ABCG2: variants seen among roughly 807,000 people sequenced by gnomAD.
ABCG2 encodes the protein ATP binding cassette subfamily G member 2 (JR blood group).
Under a neutral mutation model 73.5 loss-of-function variants are expected in ABCG2, and 80 were observed. The ratio of observed to expected loss-of-function variants is 1.09; its 90% CI spans 0.91 to 1.31. The LOEUF is 1.31. Among genes scored for constraint, ABCG2 ranks in the 50% most tolerant of loss-of-function variants. ABCG2 has a pLI of 0.00. For missense variants in ABCG2, 796 were observed against 786.2 expected (o/e 1.01, Z -0.15); for synonymous variants, 269 against 282.4 (o/e 0.95, Z 0.48).
At chr4:88,201,739 C>T (rs1729171413) in intron 1 of ABCG2, 1 of 152,098 alleles carries the variant, frequency 6.6e-6, no homozygotes, top group Non-Finnish European at 1.5e-5. Flanking sequence ...AAAATTGGAA[C>T]AATTCAGAGA....
chr4:88,145,780 A>G (rs1468030445), intron 1 of ABCG2, among the ~76,000 whole-genome samples: 1 of 152,128 alleles, frequency 6.6e-6, no homozygotes, highest in African/African-American at 2.4e-5. Flanking sequence ...TCTCTACTAA[A>G]AATACAAAAA....
intron 1 of ABCG2, among the ~76,000 whole-genome samples, chr4:88,221,943 G>T (rs948110366): frequency 6.6e-6 from 1 of 152,186 alleles, no homozygotes; most frequent in Admixed American, 6.5e-5. Flanking sequence ...TGGAGAAAAT[G>T]TCTCTAGGAC....
At chr4:88,207,448 A>ACTGGAAAAGAAGTCTTT (rs1729422134) in intron 1 of ABCG2, among the ~76,000 whole-genome samples, 1 of 152,202 alleles carries the variant, frequency 6.6e-6, no homozygotes, top group Non-Finnish European at 1.5e-5. Flanking sequence ...ACTGTGGACA[A>ACTGGAAAAGAAGTCTTT]CTGGAAAAGA....
intron 1 of ABCG2, among the ~76,000 whole-genome samples, chr4:88,151,717 C>A (rs982380903): frequency 5.5e-5 from 8 of 146,492 alleles, no homozygotes; most frequent in Non-Finnish European, 1.0e-4. Flanking sequence ...CCAGCCTGGG[C>A]GACAGAGTGA....
At chr4:88,209,070 T>C (rs538760123) in intron 1 of ABCG2, among the ~76,000 whole-genome samples, 3 of 151,702 alleles carry the variant, frequency 2.0e-5, no homozygotes, top group African/African-American at 7.3e-5. Context: ...CTCAGCACCT[T>C]GGGAGGCCGA....
intron 11 of ABCG2, among the ~76,000 whole-genome samples, chr4:88,100,807 G>C (rs1722355373): frequency 6.6e-6 from 1 of 152,030 alleles, no homozygotes; most frequent in Non-Finnish European, 1.5e-5. Context: ...CTTCCAAGTT[G>C]CTGCTTAATC....
At chr4:88,220,957 C>T (rs1042502929) in intron 1 of ABCG2, among the ~76,000 whole-genome samples, 14 of 152,168 alleles carry the variant, frequency 9.2e-5, no homozygotes, top group African/African-American at 3.4e-4. Context: ...GTCCATTAAA[C>T]CTCTTCCGTT....
intron 9 of ABCG2, among the ~76,000 whole-genome samples, chr4:88,111,893 C>T (rs570674443): frequency 1.3e-5 from 2 of 151,866 alleles, no homozygotes; most frequent in South Asian, 4.2e-4. Context: ...GAGATCCAGA[C>T]CAGGACAACA....
chr4:88,109,144 G>A (rs1190198453), intron 9 of ABCG2, among the ~76,000 whole-genome samples: 4 of 151,354 alleles, frequency 2.6e-5, no homozygotes, highest in Non-Finnish European at 5.9e-5. Flanking sequence ...GATTACATGC[G>A]CCCACCACCA....
intron 9 of ABCG2, among the ~76,000 whole-genome samples, chr4:88,111,342 C>T (rs1473910928): frequency 6.6e-6 from 1 of 152,120 alleles, no homozygotes; most frequent in Non-Finnish European, 1.5e-5. Flanking sequence ...TAAAATTTTG[C>T]CTTTAATTGA....
upstream of ABCG2, chr4:88,163,728 G>A: frequency 2.4e-6 from 1 of 410,348 alleles, no homozygotes; most frequent in Non-Finnish European, 4.9e-6. Flanking sequence ...GAGAGATCCG[G>A]AAATTTGCCA....
At chr4:88,102,075 C>T (rs1722462267) in intron 10 of ABCG2, among the ~76,000 whole-genome samples, 1 of 152,120 alleles carries the variant, frequency 6.6e-6, no homozygotes, top group South Asian at 2.1e-4. Flanking sequence ...GTGAAGGGAA[C>T]CTTCAATCAA....
chr4:88,199,248 C>T (rs1304691572), intron 1 of ABCG2, among the ~76,000 whole-genome samples: 1 of 152,082 alleles, frequency 6.6e-6, no homozygotes, highest in Non-Finnish European at 1.5e-5. Flanking sequence ...GAATTACAGG[C>T]GTGAGCCACT....
At chr4:88,208,104 A>T (rs12646307) in intron 1 of ABCG2, among the ~76,000 whole-genome samples, 11,111 of 152,268 alleles carry the variant, frequency 0.073, 643 homozygotes, top group East Asian at 0.32. Flanking sequence ...ATCTTAGTTC[A>T]TTAAACATTT....
In ABCG2 at chr4:88,107,211, T is replaced by C. The variant is rs778798827; in HGVS notation, c.1250A>G (p.Lys417Arg). Residue 417 changes from lysine to arginine, a missense_variant, in exon 10 of 16, where the codon AAA becomes AGA. Coordinates refer to ENST00000237612, the MANE Select transcript of ABCG2 (RefSeq NM_004827.3). ...LVIGAIYFGL[K>R]NDSTGIQNRA... ...GTTCTGGATTCCAGTAGAATCATTT[T>C]TTAGCCCAAAGTAAATGGCACCTAT... The C allele has an allele frequency of 8.1e-6, 13 of 1,613,574 alleles. No individual in the cohort carries two copies. In the Admixed American group the frequency reaches 1.8e-4, roughly 23 times the overall value.
At chr4:88,156,677 C>T (rs1170109938) in intron 1 of ABCG2, among the ~76,000 whole-genome samples, 2 of 151,974 alleles carry the variant, frequency 1.3e-5, no homozygotes, top group Non-Finnish European at 2.9e-5. Context: ...AAAAAAAACC[C>T]GCTAAACAAC....
chr4:88,200,688 G>A (rs1384616499), intron 1 of ABCG2, among the ~76,000 whole-genome samples: 1 of 151,694 alleles, frequency 6.6e-6, no homozygotes, highest in African/African-American at 2.4e-5. Context: ...AATTTTTTGT[G>A]TTTTTAGTAG....
intron 15 of ABCG2, among the ~76,000 whole-genome samples, chr4:88,093,353 A>G (rs2110168446): frequency 6.6e-6 from 1 of 152,026 alleles, no homozygotes; most frequent in Non-Finnish European, 1.5e-5. Flanking sequence ...AAATACAAAA[A>G]ATTAGCCAGG....
intron 1 of ABCG2, among the ~76,000 whole-genome samples, chr4:88,211,117 T>C (rs1729572627): frequency 6.6e-6 from 1 of 151,248 alleles, no homozygotes. Context: ...AAAAAATATA[T>C]ATATATATGT....
Sources: allele counts gnomAD v4.1 joint callset (sites outside exome capture counted in the v4.1 genomes callset), GRCh38; gene constraint gnomAD v4.1.1; transcripts MANE v1.5; gene names NCBI Gene and HGNC (gene_info 2026-07-23, HGNC 2026-07-21).